DLG2: variants seen among roughly 807,000 people sequenced by gnomAD.
DLG2 encodes discs large MAGUK scaffold protein 2, also known as disks large homolog 2.
Under a neutral mutation model 132.5 loss-of-function variants are expected in DLG2, and 45 were observed. The ratio of observed to expected loss-of-function variants is 0.34; its 90% CI spans 0.27 to 0.44. The LOEUF is 0.44. DLG2 is among the 20% of genes least tolerant of loss of function. DLG2 has a pLI of 1.00. For synonymous variants in DLG2, 424 were observed against 419.6 expected, an observed-to-expected ratio of 1.01 and a Z score of -0.13; for missense variants, 1,045 against 1,196.9, an observed-to-expected ratio of 0.87 and a Z score of 1.87.
chr11:85,399,925 A>T (rs906437236), intron 3 of DLG2, among the ~76,000 whole-genome samples: 2 of 152,196 alleles, frequency 1.3e-5, no homozygotes, highest in African/African-American at 2.4e-5. Context: ...GCCAAAATTG[A>T]CCAATGGGAT....
intron 18 of DLG2, among the ~76,000 whole-genome samples, chr11:83,663,959 A>G (rs955280544): frequency 1.1e-4 from 17 of 152,192 alleles, no homozygotes; most frequent in Non-Finnish European, 2.2e-4. Flanking sequence ...AATCAAACTG[A>G]TCTGGGTTTT....
intron 9 of DLG2, among the ~76,000 whole-genome samples, chr11:84,119,891 T>A (rs1416309494): frequency 6.6e-6 from 1 of 152,098 alleles, no homozygotes; most frequent in African/African-American, 2.4e-5. Context: ...GAAAGAAAAA[T>A]TCCTCTGATA....
intron 6 of DLG2, among the ~76,000 whole-genome samples, chr11:85,030,062 G>A (rs1215885857): frequency 2.0e-5 from 3 of 152,140 alleles, no homozygotes; most frequent in Non-Finnish European, 2.9e-5. Flanking sequence ...TCCACCAATT[G>A]ACTGCACTGG....
chr11:85,224,955 C>T (rs7935720), intron 4 of DLG2, among the ~76,000 whole-genome samples: 120,056 of 152,106 alleles, frequency 0.79, 48,450 homozygotes, highest in Non-Finnish European at 0.89. Flanking sequence ...AAGTTTTCAA[C>T]AAATAACATG....
chr11:83,853,414 C>T (rs1364134138), intron 16 of DLG2, among the ~76,000 whole-genome samples: 2 of 152,244 alleles, frequency 1.3e-5, no homozygotes, highest in African/African-American at 2.4e-5. Context: ...TAACAAGTAT[C>T]TGTTGAGGGT....
At chr11:83,912,161 T>C (rs973388451) in intron 15 of DLG2, among the ~76,000 whole-genome samples, 28 of 51,522 alleles carry the variant, frequency 5.4e-4, no homozygotes, top group Non-Finnish European at 1.1e-3. Context: ...TCATCAAAAT[T>C]ATATAAAATT....
chr11:84,644,574 C>T (rs536661501), intron 6 of DLG2, among the ~76,000 whole-genome samples: 78 of 151,818 alleles, frequency 5.1e-4, no homozygotes, highest in South Asian at 1.0e-3. Context: ...GGCGTGGTGG[C>T]GGGCACCTGT....
In DLG2 at chr11:83,894,608, G is replaced by C. The variant is rs541071282; in HGVS notation, c.1497-20120C>G. 5.9e-5 allele frequency among the ~76,000 whole-genome samples: 9 copies of C among 152,138 alleles called. No individual in the cohort carries two copies. The South Asian group carries it at 1.9e-3, about 32-fold the overall frequency. ...TGCAATAATCACATCAGGGTAACTG[G>C]GATATCTATCGCCTCAACCATTTAT... On this transcript the variant is annotated intron_variant, in intron 15 of 27. Transcript: ENST00000376104.
intron 3 of DLG2, among the ~76,000 whole-genome samples, chr11:85,467,536 T>C (rs1160646315): frequency 4.6e-5 from 7 of 152,348 alleles, no homozygotes; most frequent in Non-Finnish European, 1.0e-4. Context: ...TTGAATTTTG[T>C]CAAAGGCCTT....
At chr11:83,609,643 C>T (rs1327220272) in intron 19 of DLG2, among the ~76,000 whole-genome samples, 1 of 152,154 alleles carries the variant, frequency 6.6e-6, no homozygotes, top group East Asian at 1.9e-4. Context: ...CATGCATCCT[C>T]CCTTCTCCCC....
chr11:83,934,000 A>G (rs1156253860), intron 14 of DLG2, among the ~76,000 whole-genome samples: 2 of 152,206 alleles, frequency 1.3e-5, no homozygotes, highest in African/African-American at 2.4e-5. Flanking sequence ...AGCTCTATCA[A>G]ATTTTGTTGC....
intron 16 of DLG2, among the ~76,000 whole-genome samples, chr11:83,873,692 C>T (rs558843353): frequency 5.5e-4 from 83 of 152,210 alleles, no homozygotes; most frequent in African/African-American, 2.0e-3. Flanking sequence ...AGCCTGGCAC[C>T]AATAAGCACT....
chr11:84,844,224 C>A (rs1447111280), intron 6 of DLG2, among the ~76,000 whole-genome samples: 5 of 145,846 alleles, frequency 3.4e-5, no homozygotes, highest in Non-Finnish European at 7.5e-5. Flanking sequence ...TGGTAGTGCC[C>A]AAAATGTATT....
At chr11:83,680,493 A>G (rs539759375) in intron 18 of DLG2, among the ~76,000 whole-genome samples, 21 of 152,278 alleles carry the variant, frequency 1.4e-4, no homozygotes, top group African/African-American at 4.3e-4. Flanking sequence ...TGAATCTCCT[A>G]TCTTAATCAT....
At chr11:85,207,211 A>G (rs2081956815) in intron 4 of DLG2, among the ~76,000 whole-genome samples, 1 of 152,290 alleles carries the variant, frequency 6.6e-6, no homozygotes, top group South Asian at 2.1e-4. Context: ...GGGAAAACAG[A>G]GTTTACCTTC....
chr11:85,476,950 T>G (rs773802822), intron 3 of DLG2, among the ~76,000 whole-genome samples: 1 of 152,190 alleles, frequency 6.6e-6, no homozygotes, highest in Non-Finnish European at 1.5e-5. Context: ...TATTATGTAC[T>G]GTACATAATT....
intron 5 of DLG2, among the ~76,000 whole-genome samples, chr11:85,142,202 T>C (rs2152432890): frequency 6.6e-6 from 1 of 151,990 alleles, no homozygotes; most frequent in Middle Eastern, 3.4e-3. Flanking sequence ...CAAAATATCT[T>C]TCCATTTTTT....
At chr11:84,926,342 C>A (rs1292610805) in intron 6 of DLG2, among the ~76,000 whole-genome samples, 1 of 151,902 alleles carries the variant, frequency 6.6e-6, no homozygotes, top group Non-Finnish European at 1.5e-5. Context: ...AGTGATTCAA[C>A]TTTCAGGAAT....
chr11:84,620,248 C>G (rs2099611568), intron 6 of DLG2, among the ~76,000 whole-genome samples: 1 of 151,584 alleles, frequency 6.6e-6, no homozygotes, highest in South Asian at 2.1e-4. Context: ...TGTTATTCAA[C>G]ACATGTTGCT....
Sources: allele counts gnomAD v4.1 joint callset (sites outside exome capture counted in the v4.1 genomes callset), GRCh38; gene constraint gnomAD v4.1.1; transcripts MANE v1.5; gene names NCBI Gene and HGNC (gene_info 2026-07-23, HGNC 2026-07-21).